The following CPQ variants were observed in gnomAD, a reference collection of about 807,000 sequenced individuals.
CPQ encodes Ser-Met dipeptidase.
CPQ carries 37 observed loss-of-function variants against 45.7 expected under a neutral mutation model. The observed-to-expected ratio is 0.81, with a 90% CI of 0.62 to 1.07. The LOEUF is 1.07. Among genes scored for constraint, CPQ ranks in the 50% least tolerant of loss-of-function variants. The probability of loss-of-function intolerance (pLI) is 0.00; values close to 1 mark genes in which losing one functional copy is unlikely to be tolerated. For missense variants in CPQ, 537 were observed against 572.9 expected (o/e 0.94, Z 0.64); for synonymous variants, 186 against 205.8 (o/e 0.90, Z 0.82).
intron 7 of CPQ, among the ~76,000 whole-genome samples, chr8:97,079,725 G>A (rs1469072627): frequency 6.6e-6 from 1 of 152,122 alleles, no homozygotes; most frequent in Non-Finnish European, 1.5e-5. Flanking sequence ...CAAAGAGGTG[G>A]CATTTCACCT....
At chr8:97,109,988 A>G (rs921767729) in intron 7 of CPQ, among the ~76,000 whole-genome samples, 2 of 152,006 alleles carry the variant, frequency 1.3e-5, no homozygotes, top group African/African-American at 4.8e-5. Flanking sequence ...ATTTTTTTCT[A>G]TTTTTACTGA....
chr8:97,112,627 AG>A (rs1438819966), intron 7 of CPQ, among the ~76,000 whole-genome samples: 1 of 152,218 alleles, frequency 6.6e-6, no homozygotes, highest in Non-Finnish European at 1.5e-5. Context: ...AGCAAAGGGG[AG>A]CCATTTATAA....
rs541592797 is a variant in CPQ, at chr8:96,911,454, C to T, written c.849+31449C>T. ...GCACTTGCCTTTTCATGCCAATGCC[C>T]TCATCCAAATAAGAAGTCCCCTTTG... On this transcript the variant is annotated intron_variant, in intron 4 of 7. Transcript: ENST00000220763. Among the ~76,000 whole-genome samples, 3 of 152,280 alleles carry T rather than the reference C, an allele frequency of 2.0e-5. No homozygotes were observed. In the South Asian group the frequency reaches 6.2e-4, roughly 32 times the overall value.
rs117038017 is a variant in CPQ, at chr8:96,799,596, G to A, written c.433+14266G>A. ...TGACGGATCTGACTACAAAGTGTCA[G>A]AGGTTGCAAATTCCTTCTCTCTGTA... On this transcript the variant is annotated intron_variant, in intron 2 of 7. Coordinates refer to ENST00000220763, the MANE Select transcript of CPQ (RefSeq NM_016134.4). Among the ~76,000 whole-genome samples the A allele has an allele frequency of 3.6e-3, 554 of 152,320 alleles. 3 individuals carry two copies. Among genetic ancestry groups the A allele is most frequent in the African/African-American group, 0.013 (527 of 41,568 alleles).
intron 4 of CPQ, among the ~76,000 whole-genome samples, chr8:96,919,732 G>T (rs180864971): frequency 2.0e-5 from 3 of 152,280 alleles, no homozygotes; most frequent in Admixed American, 2.0e-4. Context: ...ATTAGATAGA[G>T]ATATCTTTCA....
chr8:96,836,126 G>A lies in CPQ; in HGVS notation c.641+946G>A, dbSNP rs146048798. On this transcript the variant is annotated intron_variant, in intron 3 of 7. Coordinates refer to ENST00000220763, the MANE Select transcript of CPQ (RefSeq NM_016134.4). ...ATTTTTTTAAAATGCAAAAATAATA[G>A]CAGATAGGGTTTATTTGGGTCTCCG... Among the ~76,000 whole-genome samples, 13 of 152,246 alleles carry A rather than the reference G, an allele frequency of 8.5e-5. No homozygotes were observed. The East Asian group carries it at 2.5e-3, about 29-fold the overall frequency.
chr8:96,995,892 G>A (rs549777977), intron 5 of CPQ, among the ~76,000 whole-genome samples: 1 of 151,988 alleles, frequency 6.6e-6, no homozygotes, highest in African/African-American at 2.4e-5. Context: ...TTTCTAGATG[G>A]TAGCTGAAGC....
intron 6 of CPQ, among the ~76,000 whole-genome samples, chr8:97,033,708 C>G (rs1482059404): frequency 6.6e-6 from 1 of 151,324 alleles, no homozygotes; most frequent in Non-Finnish European, 1.5e-5. Context: ...GGGAGAAAAA[C>G]AATACGTAGA....
intron 3 of CPQ, among the ~76,000 whole-genome samples, chr8:96,875,336 A>T (rs1437382710): frequency 6.6e-6 from 1 of 151,792 alleles, no homozygotes; most frequent in East Asian, 1.9e-4. Context: ...TGATGGTTCC[A>T]TTTATCTATT....
rs186308955 is a variant in CPQ at position 96,932,976 on chromosome 8, A to G, written c.850-32959A>G. 1.5e-4 allele frequency among the ~76,000 whole-genome samples: 23 copies of G among 152,310 alleles called. No individual in the cohort carries two copies. In the East Asian group the frequency reaches 4.0e-3, roughly 27 times the overall value. ...ATACTCACATCACACTCTAGCAACC[A>G]TTGGCTTCTTGCTAGTTGATTTATT... On this transcript the variant is annotated intron_variant, in intron 4 of 7. Coordinates refer to ENST00000220763, the MANE Select transcript of CPQ (RefSeq NM_016134.4).
intron 1 of CPQ, among the ~76,000 whole-genome samples, chr8:96,759,644 T>C (rs1586389631): frequency 6.6e-6 from 1 of 152,166 alleles, no homozygotes; most frequent in South Asian, 2.1e-4. Context: ...AATGTTGAGA[T>C]TCTCTTAACA....
intron 4 of CPQ, among the ~76,000 whole-genome samples, chr8:96,954,744 C>G (rs1407168534): frequency 1.3e-5 from 2 of 152,072 alleles, no homozygotes; most frequent in South Asian, 2.1e-4. Flanking sequence ...TATCCCTCCC[C>G]ACTCCCCCAA....
At chr8:96,865,178 C>G (rs7846088) in intron 3 of CPQ, among the ~76,000 whole-genome samples, 72,849 of 151,698 alleles carry the variant, frequency 0.48, 18,038 homozygotes, top group East Asian at 0.65. Context: ...ATTTGAATGT[C>G]AGTTTCTCTG....
At chr8:97,004,182 C>G (rs1280048175) in intron 5 of CPQ, among the ~76,000 whole-genome samples, 1 of 151,196 alleles carries the variant, frequency 6.6e-6, no homozygotes, top group Non-Finnish European at 1.5e-5. Flanking sequence ...CATTAATATC[C>G]TTAATACATA....
chr8:97,054,830 A>G (rs1254484484), intron 6 of CPQ, among the ~76,000 whole-genome samples: 1 of 152,116 alleles, frequency 6.6e-6, no homozygotes, highest in Admixed American at 6.6e-5. Context: ...AATGTATACT[A>G]TTCGGGTTAC....
chr8:96,961,504 A>G (rs1441691718), intron 4 of CPQ, among the ~76,000 whole-genome samples: 1 of 152,144 alleles, frequency 6.6e-6, no homozygotes, highest in Non-Finnish European at 1.5e-5. Context: ...AACTCCTCTC[A>G]TTCTATGATT....
chr8:97,039,510 T>C (rs1034624947), intron 6 of CPQ, among the ~76,000 whole-genome samples: 1 of 151,866 alleles, frequency 6.6e-6, no homozygotes, highest in Non-Finnish European at 1.5e-5. Context: ...ATACTTTAAG[T>C]TTAGGGTACA....
chr8:96,755,641 G>A (rs968294929), intron 1 of CPQ, among the ~76,000 whole-genome samples: 1 of 151,622 alleles, frequency 6.6e-6, no homozygotes, highest in African/African-American at 2.4e-5. Flanking sequence ...AATCTTCAAA[G>A]GGCACAAAGT....
intron 1 of CPQ, among the ~76,000 whole-genome samples, chr8:96,766,610 G>A (rs1810470862): frequency 1.3e-5 from 2 of 152,180 alleles, no homozygotes; most frequent in African/African-American, 4.8e-5. Context: ...TGTGGGGTCT[G>A]ATGAGAAAAG....
Sources: gnomAD v4.1 joint callset for allele counts (sites outside exome capture counted in the v4.1 genomes callset) on GRCh38, gnomAD v4.1.1 for gene constraint, MANE v1.5 for transcripts, NCBI Gene and HGNC (gene_info 2026-07-23, HGNC 2026-07-21) for gene names.